PLXDC2: variants seen among roughly 807,000 people sequenced by gnomAD.
PLXDC2 encodes the protein plexin domain-containing protein 2.
A neutral mutation model predicts 68.9 loss-of-function variants in PLXDC2; 40 were observed. The ratio of observed to expected loss-of-function variants is 0.58; its 90% CI spans 0.45 to 0.76. The LOEUF (loss-of-function observed/expected upper bound fraction) is 0.76, where lower values mean the gene tolerates loss of function less well. PLXDC2 is among the 30% of genes least tolerant of loss of function. The pLI is 0.00. For missense variants in PLXDC2, 644 were observed against 661.9 expected, an observed-to-expected ratio of 0.97 and a Z score of 0.30; for synonymous variants, 243 against 234.2, an observed-to-expected ratio of 1.04 and a Z score of -0.34.
intron 1 of PLXDC2, among the ~76,000 whole-genome samples, chr10:19,969,526 C>A (rs915689338): frequency 1.3e-5 from 2 of 152,116 alleles, no homozygotes; most frequent in African/African-American, 4.8e-5. Context: ...ATTTTCAAAG[C>A]TTTGGGTCTT....
chr10:20,077,744 A>G (rs1589618066), intron 4 of PLXDC2, among the ~76,000 whole-genome samples: 1 of 152,214 alleles, frequency 6.6e-6, no homozygotes, highest in Non-Finnish European at 1.5e-5. Context: ...TAAAATTAAG[A>G]TAATTTAGAG....
At chr10:19,914,211 C>A (rs1481586832) in intron 1 of PLXDC2, among the ~76,000 whole-genome samples, 4 of 151,642 alleles carry the variant, frequency 2.6e-5, no homozygotes, top group Admixed American at 1.3e-4. Flanking sequence ...TTCTTTTTTT[C>A]ATTTCTTCTT....
chr10:19,822,997 G>A (rs981168919), intron 1 of PLXDC2, among the ~76,000 whole-genome samples: 3 of 151,780 alleles, frequency 2.0e-5, no homozygotes, highest in African/African-American at 2.4e-5. Flanking sequence ...CTCACTGCAA[G>A]CACCGCCTCC....
chr10:19,993,500 A>G (rs909012300), intron 1 of PLXDC2, among the ~76,000 whole-genome samples: 1 of 152,100 alleles, frequency 6.6e-6, no homozygotes, highest in Non-Finnish European at 1.5e-5. Flanking sequence ...GTTCACTGCA[A>G]CCTCTGCCTC....
At chr10:19,862,603 G>A (rs1356135826) in intron 1 of PLXDC2, among the ~76,000 whole-genome samples, 2 of 152,160 alleles carry the variant, frequency 1.3e-5, no homozygotes, top group Admixed American at 6.6e-5. Flanking sequence ...AATCATAAAT[G>A]AGAAAGTTTA....
intron 4 of PLXDC2, among the ~76,000 whole-genome samples, chr10:20,111,890 T>C (rs959098107): frequency 3.9e-5 from 6 of 152,222 alleles, no homozygotes; most frequent in African/African-American, 1.4e-4. Flanking sequence ...CAAATTCATA[T>C]GCTGAAACCC....
At chr10:20,229,018 C>T (rs1835324939) in intron 12 of PLXDC2, among the ~76,000 whole-genome samples, 1 of 152,088 alleles carries the variant, frequency 6.6e-6, no homozygotes. Flanking sequence ...TCCACAAGGA[C>T]AGACTGCTTT....
intron 1 of PLXDC2, among the ~76,000 whole-genome samples, chr10:19,817,550 C>T (rs1564597779): frequency 6.6e-6 from 1 of 152,188 alleles, no homozygotes; most frequent in East Asian, 1.9e-4. Flanking sequence ...GCTCCTCCTC[C>T]TTCCTCGCTG....
chr10:19,953,805 G>A (rs1467645886), intron 1 of PLXDC2, among the ~76,000 whole-genome samples: 1 of 151,760 alleles, frequency 6.6e-6, no homozygotes, highest in Non-Finnish European at 1.5e-5. Context: ...TCCTTAATGT[G>A]AAATGAAAAG....
chr10:19,820,585 G>A (rs2131993388), intron 1 of PLXDC2, among the ~76,000 whole-genome samples: 1 of 149,128 alleles, frequency 6.7e-6, no homozygotes, highest in East Asian at 2.0e-4. Context: ...AGTGAGCCGA[G>A]ATTGCGCCAC....
intron 3 of PLXDC2, among the ~76,000 whole-genome samples, chr10:20,067,151 T>TA: frequency 6.6e-6 from 1 of 152,148 alleles, no homozygotes; most frequent in East Asian, 1.9e-4. Flanking sequence ...ATTTATTTTT[T>TA]AAAAAAATAG....
At chr10:20,182,079 G>GTGTGTGTGTGTT (rs1178368192) in intron 9 of PLXDC2, among the ~76,000 whole-genome samples, 132 of 151,174 alleles carry the variant, frequency 8.7e-4, no homozygotes, top group Non-Finnish European at 1.8e-3. Context: ...ATTTGTGTGT[G>GTGTGTGTGTGTT]TGTGTGTGTG....
chr10:20,134,054 G>C (rs536415599), intron 4 of PLXDC2, among the ~76,000 whole-genome samples: 11 of 152,020 alleles, frequency 7.2e-5, no homozygotes, highest in Admixed American at 6.5e-4. Context: ...ATTTCTGTTT[G>C]GTTCTTTTTT....
intron 6 of PLXDC2, among the ~76,000 whole-genome samples, chr10:20,157,805 C>G (rs913276223): frequency 5.9e-5 from 9 of 152,126 alleles, no homozygotes; most frequent in Non-Finnish European, 1.2e-4. Flanking sequence ...CTATCTCTAT[C>G]TTGTTATATA....
At chr10:20,128,654 G>A (rs769131940) in intron 4 of PLXDC2, among the ~76,000 whole-genome samples, 6 of 151,956 alleles carry the variant, frequency 3.9e-5, no homozygotes, top group East Asian at 1.9e-4. Flanking sequence ...CAATGTGTCC[G>A]TGTTTACCCT....
chr10:19,830,546 C>G (rs540677810), intron 1 of PLXDC2, among the ~76,000 whole-genome samples: 1 of 152,132 alleles, frequency 6.6e-6, no homozygotes, highest in Non-Finnish European at 1.5e-5. Flanking sequence ...TTTCCCCCAT[C>G]CTTTGGTAAC....
At chr10:20,130,134 T>C (rs1833848004) in intron 4 of PLXDC2, among the ~76,000 whole-genome samples, 1 of 152,146 alleles carries the variant, frequency 6.6e-6, no homozygotes, top group African/African-American at 2.4e-5. Context: ...AATTTTCAAT[T>C]CTTCTCATCT....
chr10:20,187,868 A>G (rs971208522), intron 9 of PLXDC2, among the ~76,000 whole-genome samples: 1 of 151,900 alleles, frequency 6.6e-6, no homozygotes, highest in African/African-American at 2.4e-5. Flanking sequence ...GTCTTTCTAT[A>G]TTTTAACATT....
chr10:20,082,045 G>GAAAAAAAACAAAAAAAAAAAA (rs1836569336), intron 4 of PLXDC2, among the ~76,000 whole-genome samples: 1 of 9,614 alleles, frequency 1.0e-4, no homozygotes, highest in African/African-American at 5.9e-4. Flanking sequence ...AACTCCATCT[G>GAAAAAAAACAAAAAAAAAAAA]AAAAAAAAAA....
Sources: allele counts gnomAD v4.1 joint callset (sites outside exome capture counted in the v4.1 genomes callset), GRCh38; gene constraint gnomAD v4.1.1; transcripts MANE v1.5; gene names NCBI Gene and HGNC (gene_info 2026-07-23, HGNC 2026-07-21).